The following ELAC2 variants were observed in gnomAD, a reference collection of about 807,000 sequenced individuals.
ELAC2 encodes zinc phosphodiesterase ELAC protein 2.
A neutral mutation model predicts 105.2 loss-of-function variants in ELAC2; 92 were observed. The ratio of observed to expected loss-of-function variants is 0.87; its 90% CI spans 0.74 to 1.04. ELAC2 has a LOEUF of 1.04. ELAC2 is among the 50% of genes least tolerant of loss of function. The pLI is 0.00. For missense variants in ELAC2, 1,099 were observed against 1,071.7 expected (o/e 1.03, Z -0.36); for synonymous variants, 468 against 409.1 (o/e 1.14, Z -1.74).
At position 12,992,312 on chromosome 17, in the gene ELAC2, C is replaced by T. The variant is rs1433149035; in HGVS notation, c.*506G>A. The T allele has an allele frequency of 3.9e-6, 1 of 259,664 alleles. No individual in the cohort carries two copies. Among genetic ancestry groups the T allele is most frequent in the Non-Finnish European group, 7.5e-6 (1 of 132,522 alleles). The allele number at this position is 259,664 out of a possible 1,614,324, so 16.1% of individuals were successfully genotyped here. Reference sequence around the variant, plus strand: ...GTACCAGGCAGCTGCCACACTACAGCACAGAGAGCCTTCTCCAAGGTGGTG... The same window carrying T: ...GTACCAGGCAGCTGCCACACTACAGTACAGAGAGCCTTCTCCAAGGTGGTG... On this transcript the variant is annotated 3_prime_UTR_variant, in exon 24 of 24. Coordinates refer to ENST00000338034, the MANE Select transcript of ELAC2 (RefSeq NM_018127.7).
intron 16 of ELAC2, 44 bp from the exon 17 acceptor site, chr17:12,996,729 T>C: frequency 6.2e-7 from 1 of 1,604,140 alleles, no homozygotes; most frequent in Non-Finnish European, 8.5e-7. Context: ...CTAGGAAGAC[T>C]GCTGATGGTT....
chr17:12,998,386 G>A (rs2040579817), intron 16 of ELAC2, 26 bp downstream of exon 16: 2 of 1,605,362 alleles, frequency 1.2e-6, no homozygotes, highest in Non-Finnish European at 1.7e-6. Flanking sequence ...CTTGATGGAA[G>A]GATGCTTCCT....
chr17:13,016,363 A>G (rs1267308771), intron 3 of ELAC2, among the ~76,000 whole-genome samples: 1 of 152,196 alleles, frequency 6.6e-6, no homozygotes, highest in Non-Finnish European at 1.5e-5. Flanking sequence ...TACTGCCACA[A>G]ATCTCTGTCC....
rs2040213896 is a variant in ELAC2 at position 12,992,153 on chromosome 17, A to ATT, written c.*664_*665insAA. 1.3e-5 allele frequency among the ~76,000 whole-genome samples: 2 copies of ATT among 150,142 alleles called. No individual in the cohort carries two copies. The highest frequency in any genetic ancestry group is 3.0e-5 in the Non-Finnish European group (2 of 67,612). On this transcript the variant is annotated 3_prime_UTR_variant, in exon 24 of 24. Coordinates refer to ENST00000338034, the MANE Select transcript of ELAC2 (RefSeq NM_018127.7). ...TTGATTGATTGATTGATTGATTGATAGAGAAAGCACGCCCTGCTGTGAGCT... is the reference window on the plus strand; with the variant it reads ...TTGATTGATTGATTGATTGATTGATATTGAGAAAGCACGCCCTGCTGTGAGCT...
intron 15 of ELAC2, among the ~76,000 whole-genome samples, chr17:12,998,870 G>A (rs868727361): frequency 5.3e-5 from 8 of 152,194 alleles, no homozygotes; most frequent in Non-Finnish European, 8.8e-5. Flanking sequence ...CCTCTGCCAC[G>A]TTATGATGCA....
intron 1 of ELAC2, 75 bp from the exon 2 acceptor site, chr17:13,017,196 A>T: frequency 8.0e-6 from 10 of 1,254,906 alleles, no homozygotes; most frequent in Non-Finnish European, 1.0e-5. Flanking sequence ...TAGATGTTTT[A>T]TTGTAGACTC....
At position 13,017,705 on chromosome 17, in the gene ELAC2, G is replaced by A; in HGVS notation, c.243C>T (p.Asn81=). 6 of 1,613,114 alleles carry A rather than the reference G, an allele frequency of 3.7e-6. No individual in the cohort carries two copies. Among genetic ancestry groups the A allele is most frequent in the African/African-American group, 1.3e-5 (1 of 75,054 alleles). Residue 81 remains asparagine, a splice_region_variant and synonymous_variant, in exon 1 of 24, where the codon AAC becomes AAT. Coordinates refer to ENST00000338034, the MANE Select transcript of ELAC2 (RefSeq NM_018127.7). ...CGGGGCGTGGCTCGTTGACTGACCGGTTGAACTCGGAGAAGACGTAGAGCG... is the reference window on the plus strand; with the variant it reads ...CGGGGCGTGGCTCGTTGACTGACCGATTGAACTCGGAGAAGACGTAGAGCG... ...GAALYVFSEF[N]RYLFNCGEGV... is the part of the protein sequence containing the mutation.
At position 13,005,749 on chromosome 17, in the gene ELAC2, T is replaced by A. The variant is rs776280226; in HGVS notation, c.870+4A>T. On this transcript the variant is annotated splice_donor_region_variant and intron_variant, in intron 10 of 23. Transcript: ENST00000338034. ...TGCTGAATCAAGAAAACCAGGCATCTCACCTCTCTTCCTTCATGAGTGATG... is the reference window on the plus strand; with the variant it reads ...TGCTGAATCAAGAAAACCAGGCATCACACCTCTCTTCCTTCATGAGTGATG... The A allele has an allele frequency of 2.5e-6, 4 of 1,613,994 alleles. No homozygotes were observed. In the East Asian group the frequency reaches 8.9e-5, roughly 36 times the overall value.
intron 6 of ELAC2, 34 bp from the exon 7 acceptor site, chr17:13,011,816 G>A: frequency 1.2e-6 from 2 of 1,613,988 alleles, no homozygotes; most frequent in South Asian, 2.2e-5. Flanking sequence ...ATTACACACT[G>A]CACAAGGTGA....
At chr17:12,996,745 G>A (rs2040496821) in intron 16 of ELAC2, 60 bp from the exon 17 acceptor site, 1 of 1,591,094 alleles carries the variant, frequency 6.3e-7, no homozygotes, top group Middle Eastern at 1.8e-4. Context: ...TGGTTCAGAG[G>A]CTGATGTCTG....
Position 12,994,761 on chromosome 17 carries a change from C to T in ELAC2, c.2029+3G>A. 3 of 1,613,920 alleles carry T rather than the reference C, an allele frequency of 1.9e-6. No individual in the cohort carries two copies. The highest frequency in any genetic ancestry group is 2.5e-6 in the Non-Finnish European group (3 of 1,180,044). ...AGGGTGGCTTGCTTCTTCCTCTACT[C>T]ACCCATCCGGACCAGAGCCTCGCAG... is the stretch of plus-strand genomic sequence containing the variant. On this transcript the variant is annotated splice_donor_region_variant and intron_variant, in intron 21 of 23. Transcript: ENST00000338034.
chr17:12,992,690 T>C lies in ELAC2; in HGVS notation c.*128A>G. 1.8e-6 allele frequency: 2 copies of C among 1,127,138 alleles called. No homozygotes were observed. Among genetic ancestry groups the C allele is most frequent in the South Asian group, 1.3e-5 (1 of 74,306 alleles). 69.8% of individuals were successfully genotyped at this position (1,127,138 alleles called of 1,614,324 possible). ...GAGCCCAAGCCTCGGCACAGCTCCA[T>C]ACCACCTATCCTGAGCTGCCTCCTG... is the stretch of plus-strand genomic sequence containing the variant. On this transcript the variant is annotated 3_prime_UTR_variant, in exon 24 of 24. Coordinates refer to ENST00000338034, the MANE Select transcript of ELAC2 (RefSeq NM_018127.7).
chr17:13,010,297 A>C (rs978836135), intron 8 of ELAC2, among the ~76,000 whole-genome samples: 6 of 152,084 alleles, frequency 3.9e-5, no homozygotes, highest in Admixed American at 6.6e-5. Flanking sequence ...TGGCCTCTCA[A>C]GTAGCTGGGA....
chr17:12,996,601 G>C lies in ELAC2; in HGVS notation c.1605C>G (p.Val535=). 6.2e-7 allele frequency: 1 copy of C among 1,614,048 alleles called. No homozygotes were observed. Among genetic ancestry groups the C allele is most frequent in the Non-Finnish European group, 8.5e-7 (1 of 1,180,024 alleles). The change falls in exon 17 of 24, where the codon GTC becomes GTG. Residue 535 remains valine, a synonymous_variant. Coordinates refer to ENST00000338034, the MANE Select transcript of ELAC2 (RefSeq NM_018127.7). ...CAAACACAGCAGCCAGGGTGCCCAG[G>C]ACCCTGTCCACCTGGTCTCCGTAAT... ...CRHYGDQVDR[V]LGTLAAVFVS...
At chr17:12,999,997 A>G (rs1219990570) in intron 15 of ELAC2, among the ~76,000 whole-genome samples, 159 bp downstream of exon 15, 4 of 152,122 alleles carry the variant, frequency 2.6e-5, no homozygotes, top group African/African-American at 9.7e-5. Flanking sequence ...CCCCTCCTCC[A>G]ATGACTATAA....
At chr17:12,998,193 G>C (rs1378647536) in intron 16 of ELAC2, among the ~76,000 whole-genome samples, 1 of 151,400 alleles carries the variant, frequency 6.6e-6, no homozygotes, top group East Asian at 1.9e-4. Flanking sequence ...TTTATTAAAA[G>C]ACATCATGGG....
At chr17:12,994,292 C>G in intron 22 of ELAC2, 133 bp downstream of exon 22, 1 of 1,055,106 alleles carries the variant, frequency 9.5e-7, no homozygotes, top group Non-Finnish European at 1.5e-6. Context: ...TGCCACAGGT[C>G]AAGGAAGCCC....
intron 23 of ELAC2, 135 bp from the exon 24 acceptor site, chr17:12,993,180 C>G: frequency 2.1e-6 from 2 of 959,320 alleles, no homozygotes; most frequent in Non-Finnish European, 3.2e-6. Flanking sequence ...CAGGCCACAG[C>G]TGAAATGGAA....
At chr17:13,011,911 A>G (rs925793771) in intron 6 of ELAC2, 129 bp from the exon 7 acceptor site, 6 of 1,418,180 alleles carry the variant, frequency 4.2e-6, no homozygotes, top group South Asian at 1.2e-5. Flanking sequence ...ACAGTAGGAA[A>G]TAACTAGTTA....
Sources: gnomAD v4.1 joint callset for allele counts (sites outside exome capture counted in the v4.1 genomes callset) on GRCh38, gnomAD v4.1.1 for gene constraint, MANE v1.5 for transcripts, NCBI Gene and HGNC (gene_info 2026-07-23, HGNC 2026-07-21) for gene names.